Variants in DPP6 observed in about 807,000 individuals in gnomAD.
The protein encoded by DPP6 is dipeptidyl peptidase like 6, also known as A-type potassium channel modulatory protein DPP6.
Under a neutral mutation model 122.6 loss-of-function variants are expected in DPP6, and 69 were observed. The ratio of observed to expected loss-of-function variants is 0.56; its 90% CI spans 0.46 to 0.69. The LOEUF (loss-of-function observed/expected upper bound fraction) is 0.69. Among genes scored for constraint, DPP6 ranks in the 30% least tolerant of loss-of-function variants. The probability of loss-of-function intolerance (pLI) is 0.00; values close to 1 mark genes in which losing one functional copy is unlikely to be tolerated. For missense variants in DPP6, 928 were observed against 1,116.9 expected (o/e 0.83, Z 2.41); for synonymous variants, 418 against 433.1 (o/e 0.97, Z 0.43).
rs566517644 is a variant in DPP6, at chr7:154,704,278, G to A, written c.763-23489G>A. ...GTCTCAGGATAAAACTTGAATGGGT[G>A]AGAAGTTGCTTCTAGGAACGAGCAA... On this transcript the variant is annotated intron_variant, in intron 7 of 25. Coordinates refer to ENST00000377770, the MANE Select transcript of DPP6 (RefSeq NM_130797.4). 2.6e-5 allele frequency among the ~76,000 whole-genome samples: 4 copies of A among 152,346 alleles called. 1 individual carries two copies. The South Asian group carries it at 8.3e-4, about 32-fold the overall frequency.
rs28694096 is a variant in DPP6, at chr7:153,911,160, A to G, written c.51+23426A>G. On this transcript the variant is annotated intron_variant, in intron 1 of 25. Transcript: ENST00000404039. ...AGCCTTGCTGGGGTCTCAGGGGCAC[A>G]TTGAGTCTTATTGAGTCCCAGCTCC... Among the ~76,000 whole-genome samples, 149 of 152,260 alleles carry G rather than the reference A, an allele frequency of 9.8e-4. 1 individual carries two copies. The highest frequency in any genetic ancestry group is 3.4e-3 in the African/African-American group (140 of 41,570).
At chr7:153,877,835 AAAG>A in the DPP6 span, among the ~76,000 whole-genome samples, 2 of 152,178 alleles carry the variant, frequency 1.3e-5, no homozygotes, top group Non-Finnish European at 2.9e-5. Flanking sequence ...TGGAAACCAA[AAAG>A]AAGAAGTATT....
chr7:153,934,668 GCAGA>G (rs1801342709), intron 1 of DPP6, among the ~76,000 whole-genome samples: 1 of 152,166 alleles, frequency 6.6e-6, no homozygotes, highest in Non-Finnish European at 1.5e-5. Context: ...ACAAACACGA[GCAGA>G]CACTCACAGC....
chr7:154,868,574 G>A (rs1804095409), intron 18 of DPP6, among the ~76,000 whole-genome samples: 1 of 152,186 alleles, frequency 6.6e-6, no homozygotes, highest in African/African-American at 2.4e-5. Flanking sequence ...CTCTGCCTGT[G>A]CCCTTCTTTC....
At chr7:154,479,046 A>G (rs557604751) in intron 3 of DPP6, among the ~76,000 whole-genome samples, 2 of 152,354 alleles carry the variant, frequency 1.3e-5, no homozygotes, top group Admixed American at 6.5e-5. Context: ...GTCTGGAACT[A>G]ATACGCTTTA....
chr7:154,408,943 C>A (rs182677247), intron 1 of DPP6, among the ~76,000 whole-genome samples: 68 of 152,176 alleles, frequency 4.5e-4, no homozygotes, highest in Non-Finnish European at 7.8e-4. Flanking sequence ...GAGTTCAAGA[C>A]CAGCCTGACC....
chr7:154,060,323 C>T (rs1257745068), intron 1 of DPP6, among the ~76,000 whole-genome samples: 3 of 135,506 alleles, frequency 2.2e-5, no homozygotes, highest in African/African-American at 5.7e-5. Context: ...GGACCCCCAT[C>T]GCAGGAGGGG....
intron 1 of DPP6, among the ~76,000 whole-genome samples, chr7:154,082,880 A>G (rs1157449782): frequency 8.4e-6 from 1 of 119,078 alleles, no homozygotes; most frequent in South Asian, 2.6e-4. Context: ...ATGGAGTCTC[A>G]CTCTGTCACC....
At chr7:154,283,774 G>A (rs993408383) in intron 1 of DPP6, among the ~76,000 whole-genome samples, 7 of 152,130 alleles carry the variant, frequency 4.6e-5, no homozygotes, top group African/African-American at 1.7e-4. Context: ...ATGAAAGCAC[G>A]ATGGGCAGAT....
chr7:153,958,355 A>G (rs1318914529), intron 1 of DPP6, among the ~76,000 whole-genome samples: 1 of 152,088 alleles, frequency 6.6e-6, no homozygotes, highest in African/African-American at 2.4e-5. Context: ...CATTCCCTCC[A>G]CCCGAGCAGG....
At chr7:154,567,597 G>C (rs889746061) in intron 5 of DPP6, among the ~76,000 whole-genome samples, 1 of 152,216 alleles carries the variant, frequency 6.6e-6, no homozygotes, top group South Asian at 2.1e-4. Flanking sequence ...AGGATGTTCA[G>C]TTTACAAGAG....
the DPP6 span, among the ~76,000 whole-genome samples, chr7:153,804,820 G>A: frequency 6.6e-6 from 1 of 152,134 alleles, no homozygotes; most frequent in East Asian, 1.9e-4. Flanking sequence ...GGAGGCAGAG[G>A]TTGCAGTGAG....
intron 1 of DPP6, among the ~76,000 whole-genome samples, chr7:153,965,971 A>G (rs1714199668): frequency 6.6e-6 from 1 of 151,468 alleles, no homozygotes; most frequent in Non-Finnish European, 1.5e-5. Context: ...CTACAGAGAA[A>G]GTCACACTAG....
At chr7:154,579,079 T>A (rs548422974) in intron 5 of DPP6, among the ~76,000 whole-genome samples, 106 of 152,294 alleles carry the variant, frequency 7.0e-4, no homozygotes, top group South Asian at 1.9e-3. Context: ...CCAGGTGCAG[T>A]GGCTCATGCC....
intron 21 of DPP6, chr7:154,884,491 A>C (rs1805914061): frequency 6.6e-6 from 1 of 150,828 alleles, no homozygotes; most frequent in East Asian, 1.9e-4. Context: ...ACATGCTCAC[A>C]CACACGATTA....
chr7:153,870,818 A>C, the DPP6 span, among the ~76,000 whole-genome samples: 3 of 152,194 alleles, frequency 2.0e-5, no homozygotes, highest in African/African-American at 7.2e-5. Flanking sequence ...TGACGTACAG[A>C]TGGGTTTTTG....
chr7:153,984,313 A>G (rs1796737741), intron 1 of DPP6, among the ~76,000 whole-genome samples: 1 of 152,246 alleles, frequency 6.6e-6, no homozygotes, highest in African/African-American at 2.4e-5. Flanking sequence ...AGAAACCTTT[A>G]TTGCAAACAC....
At chr7:153,995,761 C>T (rs1797401937) in intron 1 of DPP6, among the ~76,000 whole-genome samples, 2 of 151,966 alleles carry the variant, frequency 1.3e-5, no homozygotes, top group Non-Finnish European at 2.9e-5. Flanking sequence ...AAAGGTAATT[C>T]TGAGAGGGAA....
intron 1 of DPP6, among the ~76,000 whole-genome samples, chr7:154,356,651 G>A (rs1369935965): frequency 2.0e-5 from 3 of 151,886 alleles, no homozygotes; most frequent in Non-Finnish European, 4.4e-5. Flanking sequence ...GAAGTTAAAT[G>A]TAACTGAATT....
Sources: allele counts gnomAD v4.1 joint callset (sites outside exome capture counted in the v4.1 genomes callset), GRCh38; gene constraint gnomAD v4.1.1; transcripts MANE v1.5; gene names NCBI Gene and HGNC (gene_info 2026-07-23, HGNC 2026-07-21).